PELI2: variants seen among roughly 807,000 people sequenced by gnomAD.
PELI2 encodes the protein E3 ubiquitin-protein ligase pellino homolog 2.
A neutral mutation model predicts 42.3 loss-of-function variants in PELI2; 23 were observed. That is an observed-to-expected ratio of 0.54 (90% CI 0.39 to 0.77). The LOEUF (loss-of-function observed/expected upper bound fraction) is 0.77, where lower values mean the gene tolerates loss of function less well. PELI2 is among the 30% of genes least tolerant of loss of function. The pLI is 0.00. For missense variants in PELI2, 463 were observed against 553.2 expected, an observed-to-expected ratio of 0.84 and a Z score of 1.64; for synonymous variants, 245 against 212.2, an observed-to-expected ratio of 1.15 and a Z score of -1.34.
chr14:56,121,952 A>G (rs1257963537), intron 1 of PELI2, among the ~76,000 whole-genome samples: 2 of 152,264 alleles, frequency 1.3e-5, no homozygotes, highest in Non-Finnish European at 2.9e-5. Flanking sequence ...AATGTTTAAA[A>G]AAGTTGTAAT....
At chr14:56,154,641 G>A (rs1884482824) in intron 1 of PELI2, among the ~76,000 whole-genome samples, 1 of 152,142 alleles carries the variant, frequency 6.6e-6, no homozygotes, top group Non-Finnish European at 1.5e-5. Context: ...GTTCTTTATA[G>A]CGGTTTGAAA....
intron 2 of PELI2, among the ~76,000 whole-genome samples, chr14:56,227,940 A>C (rs192409107): frequency 6.6e-6 from 1 of 152,362 alleles, no homozygotes; most frequent in East Asian, 1.9e-4. Flanking sequence ...ACCCACCAAA[A>C]AAATGCAGAT....
intron 1 of PELI2, among the ~76,000 whole-genome samples, chr14:56,137,151 C>G (rs921307299): frequency 4.6e-5 from 7 of 151,950 alleles, no homozygotes; most frequent in African/African-American, 1.7e-4. Flanking sequence ...GATTTGTAAC[C>G]TCTTTCAGAA....
At chr14:56,173,748 C>T (rs1313319567) in intron 1 of PELI2, among the ~76,000 whole-genome samples, 3 of 152,336 alleles carry the variant, frequency 2.0e-5, no homozygotes, top group Admixed American at 2.0e-4. Flanking sequence ...GTCGTCTCCT[C>T]TCTATCCCTG....
At chr14:56,130,474 C>G in intron 1 of PELI2, among the ~76,000 whole-genome samples, 1 of 151,512 alleles carries the variant, frequency 6.6e-6, no homozygotes. Context: ...CCTTGCCATA[C>G]TGGGTATTCT....
chr14:56,291,012 T>C (rs1889809910), intron 5 of PELI2, among the ~76,000 whole-genome samples: 1 of 152,246 alleles, frequency 6.6e-6, no homozygotes, highest in African/African-American at 2.4e-5. Flanking sequence ...AATATTTTCC[T>C]ATAAATATCA....
chr14:56,279,502 A>T (rs1697263339), intron 2 of PELI2, among the ~76,000 whole-genome samples, 174 bp from the exon 3 acceptor site: 1 of 152,098 alleles, frequency 6.6e-6, no homozygotes, highest in African/African-American at 2.4e-5. Flanking sequence ...CAGAATTGTG[A>T]CTCTTGGCTT....
chr14:56,184,039 A>T (rs994026525), intron 2 of PELI2, among the ~76,000 whole-genome samples: 2 of 152,106 alleles, frequency 1.3e-5, no homozygotes, highest in African/African-American at 4.8e-5. Context: ...TTTTACATTT[A>T]TCTTGTATCA....
intron 2 of PELI2, among the ~76,000 whole-genome samples, chr14:56,228,059 C>A (rs533724520): frequency 6.6e-6 from 1 of 152,190 alleles, no homozygotes; most frequent in South Asian, 2.1e-4. Flanking sequence ...TCCTAATATA[C>A]GTAGTACAAT....
chr14:56,199,542 G>C (rs1326729537), intron 2 of PELI2, among the ~76,000 whole-genome samples: 2 of 152,156 alleles, frequency 1.3e-5, no homozygotes, highest in Non-Finnish European at 2.9e-5. Flanking sequence ...TCTACCCAGT[G>C]CTTCATGGTT....
chr14:56,203,166 G>C (rs574191842), intron 2 of PELI2, among the ~76,000 whole-genome samples: 9 of 152,212 alleles, frequency 5.9e-5, no homozygotes, highest in Non-Finnish European at 1.2e-4. Flanking sequence ...CTGAAATCCT[G>C]TCTCTACTAA....
intron 2 of PELI2, among the ~76,000 whole-genome samples, chr14:56,236,972 A>G (rs1421814862): frequency 1.3e-5 from 2 of 152,170 alleles, no homozygotes; most frequent in Non-Finnish European, 2.9e-5. Context: ...GGGATGCCCT[A>G]TTAGATGCTC....
chr14:56,191,722 A>G (rs1470535327), intron 2 of PELI2, among the ~76,000 whole-genome samples: 1 of 152,248 alleles, frequency 6.6e-6, no homozygotes, highest in African/African-American at 2.4e-5. Flanking sequence ...CAACTTCAAA[A>G]TCTGGCAATC....
At chr14:56,161,340 C>T (rs1188377535) in intron 1 of PELI2, among the ~76,000 whole-genome samples, 3 of 150,468 alleles carry the variant, frequency 2.0e-5, no homozygotes, top group Admixed American at 6.6e-5. Context: ...AACAGTCTAG[C>T]TTTGGTGCCA....
At chr14:56,291,575 G>C (rs1889832934) in intron 5 of PELI2, among the ~76,000 whole-genome samples, 1 of 152,158 alleles carries the variant, frequency 6.6e-6, no homozygotes, top group Admixed American at 6.5e-5. Flanking sequence ...TGTAAACAAA[G>C]GAGGAAATGT....
At chr14:56,217,017 A>G (rs1292904019) in intron 2 of PELI2, among the ~76,000 whole-genome samples, 1 of 152,156 alleles carries the variant, frequency 6.6e-6, no homozygotes, top group East Asian at 1.9e-4. Flanking sequence ...TTTTTTAAAC[A>G]TTCACTGTGA....
At chr14:56,198,006 A>ACG (rs1336553236) in intron 2 of PELI2, among the ~76,000 whole-genome samples, 3 of 116,362 alleles carry the variant, frequency 2.6e-5, no homozygotes. Context: ...ACACACACAC[A>ACG]CACACACCCA....
intron 1 of PELI2, among the ~76,000 whole-genome samples, chr14:56,167,972 G>A (rs751431795): frequency 9.2e-5 from 14 of 152,182 alleles, no homozygotes; most frequent in South Asian, 2.1e-4. Context: ...GAATTCTCTG[G>A]ATTGCCAGGC....
intron 3 of PELI2, among the ~76,000 whole-genome samples, chr14:56,284,478 TCA>T (rs1889583785): frequency 6.6e-6 from 1 of 152,188 alleles, no homozygotes; most frequent in African/African-American, 2.4e-5. Context: ...CTCTCAGATT[TCA>T]CAGTTTCACA....
Sources: gnomAD v4.1 joint callset for allele counts (sites outside exome capture counted in the v4.1 genomes callset) on GRCh38, gnomAD v4.1.1 for gene constraint, MANE v1.5 for transcripts, NCBI Gene and HGNC (gene_info 2026-07-23, HGNC 2026-07-21) for gene names.